The following PDK3 variants were observed in gnomAD, a reference collection of about 807,000 sequenced individuals.
PDK3 encodes the protein pyruvate dehydrogenase kinase, isozyme 3.
PDK3 carries 12 observed loss-of-function variants against 32.0 expected under a neutral mutation model. The observed-to-expected ratio is 0.37, with a 90% CI of 0.24 to 0.61. The LOEUF (loss-of-function observed/expected upper bound fraction) is 0.61. Among genes scored for constraint, PDK3 ranks in the 20% least tolerant of loss-of-function variants. PDK3 has a pLI of 0.65. For missense variants in PDK3, 188 were observed against 316.9 expected (o/e 0.59, Z 3.09); for synonymous variants, 122 against 116.3 (o/e 1.05, Z -0.31).
At position 24,525,924 on chromosome X, in the gene PDK3, G is replaced by A. The variant is rs994433590; in HGVS notation, c.674-274G>A. Among the ~76,000 whole-genome samples, 7 of 112,222 alleles carry A rather than the reference G, an allele frequency of 6.2e-5. No homozygotes were observed. In the Admixed American group the frequency reaches 6.6e-4, roughly 11 times the overall value. On this transcript the variant is annotated intron_variant, in intron 6 of 10. Transcript: ENST00000379162. ...ATACTCAGGATGTTATGGCATAGGT[G>A]ATAATATTCCAATTCTGCTCAACAA...
At chrX:24,494,939 C>T in intron 2 of PDK3, 56 bp downstream of exon 2, 3 of 1,046,104 alleles carry the variant, frequency 2.9e-6, no homozygotes, top group Non-Finnish European at 2.6e-6. Flanking sequence ...GAACATTTGG[C>T]AGCGAGACCA....
intron 6 of PDK3, among the ~76,000 whole-genome samples, chrX:24,521,916 G>C (rs753284767): frequency 3.9e-5 from 4 of 102,030 alleles, no homozygotes; most frequent in African/African-American, 1.5e-4. Flanking sequence ...TTATTTTTAT[G>C]TATAAGTTCT....
rs1248307088 is a variant in PDK3, at chrX:24,494,864, G to A, written c.229G>A (p.Val77Met). The change falls in exon 2 of 11, where the codon GTG (valine) becomes ATG (methionine). Residue 77 changes from valine to methionine, a missense_variant. Physicochemically the swap from Val to Met is conservative, Grantham distance 21. Transcript: ENST00000379162. ...GGATAATTTACTTAACCGCCCTTCA[G>A]TGGGATTGGTTCAGAGTTGGTAAGT... ...LPDNLLNRPS[V>M]GLVQSWYMQS... The A allele has an allele frequency of 8.3e-7, 1 of 1,206,151 alleles. No homozygotes were observed. The highest frequency in any genetic ancestry group is 1.1e-6 in the Non-Finnish European group (1 of 892,320).
chrX:24,520,978 T>C lies in PDK3; in HGVS notation c.673+1968T>C, dbSNP rs769807315. 9.9e-5 allele frequency among the ~76,000 whole-genome samples: 11 copies of C among 111,124 alleles called. No homozygotes were observed. The East Asian group carries it at 3.1e-3, about 32-fold the overall frequency. On this transcript the variant is annotated intron_variant, in intron 6 of 10. Transcript: ENST00000379162. ...AATGACTGAGCAGGGTGTGAGCATT[T>C]ACAGTTAAAGATAAACCAGGCCAGG... is the stretch of plus-strand genomic sequence containing the variant.
intron 10 of PDK3, among the ~76,000 whole-genome samples, chrX:24,532,262 T>C (rs1252762381): frequency 9.1e-6 from 1 of 110,069 alleles, no homozygotes; most frequent in Admixed American, 9.7e-5. Flanking sequence ...TGAGACTCCA[T>C]CTCAAAAGAG....
At chrX:24,502,829 G>A (rs1921892881) in intron 3 of PDK3, among the ~76,000 whole-genome samples, 1 of 111,754 alleles carries the variant, frequency 8.9e-6, no homozygotes, top group African/African-American at 3.3e-5. Context: ...GGGTGACAGA[G>A]TGAGACTCCG....
intron 2 of PDK3, among the ~76,000 whole-genome samples, chrX:24,495,286 A>G (rs946124765): frequency 8.9e-6 from 1 of 112,519 alleles, no homozygotes; most frequent in African/African-American, 3.2e-5. Flanking sequence ...TTGGAAAAAT[A>G]TCAGTTCCCT....
chrX:24,548,009 A>G (rs182904729), exon 12 of PDK3: 1 of 111,739 alleles, frequency 8.9e-6, no homozygotes, highest in East Asian at 2.8e-4. Flanking sequence ...TTTTATATGT[A>G]TTTTTTTTGT....
At chrX:24,547,520 A>C (rs1313192842) in exon 12 of PDK3, 1 of 112,289 alleles carries the variant, frequency 8.9e-6, no homozygotes, top group African/African-American at 3.2e-5. Context: ...AAAAAATCAC[A>C]AAGTATAGTA....
intron 1 of PDK3, among the ~76,000 whole-genome samples, chrX:24,466,643 A>T (rs58052613): frequency 0.042 from 4,638 of 109,904 alleles, 137 homozygotes; most frequent in South Asian, 0.18. Flanking sequence ...TTTTTTTTTT[A>T]AAAGCTAGGA....
Position 24,471,096 on chromosome X carries a change from C to T in PDK3, c.106+5535C>T, listed in dbSNP as rs781022746. ...GGAGAGATAGCATTAGGAGAAATAC[C>T]TAATGTAGATGACAAGTTGATGGGT... is the stretch of plus-strand genomic sequence containing the variant. On this transcript the variant is annotated intron_variant, in intron 1 of 10. Coordinates refer to ENST00000379162, the MANE Select transcript of PDK3 (RefSeq NM_005391.5). Among the ~76,000 whole-genome samples the T allele has an allele frequency of 4.5e-4, 50 of 110,835 alleles. 1 individual carries two copies. The highest frequency in any genetic ancestry group is 1.2e-3 in the Admixed American group (12 of 10,353).
chrX:24,547,779 T>G (rs1215058536), exon 12 of PDK3: 4 of 112,806 alleles, frequency 3.5e-5, no homozygotes, highest in Non-Finnish European at 7.5e-5. Context: ...TTGTGTGTAT[T>G]GTAAGACCAT....
chrX:24,465,599 C>T (rs762958019), intron 1 of PDK3, 38 bp downstream of exon 1: 20 of 984,559 alleles, frequency 2.0e-5, no homozygotes, highest in Non-Finnish European at 2.8e-5. Flanking sequence ...GGCCCGGGGC[C>T]GCCGCCATTC....
chrX:24,528,739 G>A (rs1188649784), intron 9 of PDK3, among the ~76,000 whole-genome samples: 1 of 112,314 alleles, frequency 8.9e-6, no homozygotes, highest in Admixed American at 9.4e-5. Context: ...AGCCCTTTCT[G>A]TCTCACTCTG....
intron 5 of PDK3, among the ~76,000 whole-genome samples, chrX:24,516,337 T>G (rs2148196866): frequency 8.9e-6 from 1 of 111,795 alleles, no homozygotes; most frequent in South Asian, 3.8e-4. Flanking sequence ...TTTCTACTCC[T>G]AGGTATATAC....
intron 1 of PDK3, among the ~76,000 whole-genome samples, chrX:24,469,497 A>C: frequency 9.0e-6 from 1 of 110,834 alleles, no homozygotes; most frequent in Non-Finnish European, 1.9e-5. Context: ...GAAATTAAAA[A>C]AAAAAACTTA....
At chrX:24,518,738 A>T (rs774627230) in intron 5 of PDK3, among the ~76,000 whole-genome samples, 195 bp from the exon 6 acceptor site, 1 of 111,702 alleles carries the variant, frequency 9.0e-6, no homozygotes, top group East Asian at 2.8e-4. Context: ...TATTAAAGCC[A>T]CAAAAGGGTA....
intron 9 of PDK3, among the ~76,000 whole-genome samples, chrX:24,529,372 A>C (rs911110364): frequency 2.0e-4 from 22 of 111,753 alleles, no homozygotes; most frequent in African/African-American, 6.8e-4. Context: ...TGAGGAAATG[A>C]CCTTGTCCAA....
intron 6 of PDK3, among the ~76,000 whole-genome samples, chrX:24,520,228 A>G (rs1481098105): frequency 8.9e-6 from 1 of 111,975 alleles, no homozygotes; most frequent in Non-Finnish European, 1.9e-5. Flanking sequence ...ATAGAGATGC[A>G]CAGATTTATG....
Sources: allele counts gnomAD v4.1 joint callset (sites outside exome capture counted in the v4.1 genomes callset), GRCh38; gene constraint gnomAD v4.1.1; transcripts MANE v1.5; gene names NCBI Gene and HGNC (gene_info 2026-07-23, HGNC 2026-07-21).